The following ROBO2 variants were observed in gnomAD, a reference collection of about 807,000 sequenced individuals.
The protein encoded by ROBO2 is roundabout guidance receptor 2, also known as roundabout homolog 2.
ROBO2 carries 53 observed loss-of-function variants against 160.8 expected under a neutral mutation model. The observed-to-expected ratio is 0.33, with a 90% CI of 0.26 to 0.41. The LOEUF is 0.41. Among genes scored for constraint, ROBO2 ranks in the 10% least tolerant of loss-of-function variants. ROBO2 has a pLI of 1.00. For missense variants in ROBO2, 1,577 were observed against 1,722.4 expected, an observed-to-expected ratio of 0.92 and a Z score of 1.49; for synonymous variants, 664 against 611.7, an observed-to-expected ratio of 1.09 and a Z score of -1.26.
chr3:76,207,474 G>A (rs1252672563), intron 2 of ROBO2, among the ~76,000 whole-genome samples: 1 of 151,918 alleles, frequency 6.6e-6, no homozygotes, highest in Non-Finnish European at 1.5e-5. Flanking sequence ...AAATTAATTT[G>A]ATGTATTAAA....
At chr3:76,726,566 TC>T in intron 2 of ROBO2, among the ~76,000 whole-genome samples, 1 of 152,142 alleles carries the variant, frequency 6.6e-6, no homozygotes, top group Admixed American at 6.5e-5. Flanking sequence ...GTGAGTCCTC[TC>T]CACCTCCACC....
At chr3:76,884,353 T>C (rs1039116826) in intron 2 of ROBO2, among the ~76,000 whole-genome samples, 1 of 152,242 alleles carries the variant, frequency 6.6e-6, no homozygotes, top group African/African-American at 2.4e-5. Flanking sequence ...TCTATTATTC[T>C]CTAAGCTGCA....
chr3:76,035,566 A>G (rs1042713178), intron 2 of ROBO2, among the ~76,000 whole-genome samples: 1 of 152,008 alleles, frequency 6.6e-6, no homozygotes, highest in Non-Finnish European at 1.5e-5. Flanking sequence ...AAGAGCCACC[A>G]GCAACTCCAA....
At chr3:77,388,856 A>G (rs966449778) in intron 2 of ROBO2, among the ~76,000 whole-genome samples, 4 of 152,258 alleles carry the variant, frequency 2.6e-5, no homozygotes, top group African/African-American at 9.6e-5. Context: ...ATTTTTAAAT[A>G]GAGACAAGAT....
chr3:76,697,774 T>A (rs1427958186), intron 2 of ROBO2, among the ~76,000 whole-genome samples: 4 of 152,124 alleles, frequency 2.6e-5, no homozygotes, highest in African/African-American at 9.7e-5. Context: ...TATGATTCAG[T>A]CTGATATTTT....
At chr3:77,110,704 G>T (rs781228803) in intron 2 of ROBO2, among the ~76,000 whole-genome samples, 210 of 150,968 alleles carry the variant, frequency 1.4e-3, no homozygotes, top group Non-Finnish European at 2.0e-3. Context: ...TATAGAGAGA[G>T]AGAGAGAGAG....
intron 2 of ROBO2, among the ~76,000 whole-genome samples, chr3:76,276,543 A>G (rs1707934810): frequency 6.6e-6 from 1 of 152,050 alleles, no homozygotes; most frequent in Non-Finnish European, 1.5e-5. Context: ...AAACGTTTCC[A>G]TATTGGAATT....
intron 2 of ROBO2, among the ~76,000 whole-genome samples, chr3:76,050,673 G>C (rs140658195): frequency 6.6e-6 from 1 of 152,142 alleles, no homozygotes; most frequent in Admixed American, 6.5e-5. Context: ...TGCAACGGCT[G>C]TGTCCTTGCT....
intron 2 of ROBO2, among the ~76,000 whole-genome samples, chr3:77,372,486 T>C (rs1220034299): frequency 6.6e-6 from 1 of 152,104 alleles, no homozygotes; most frequent in Non-Finnish European, 1.5e-5. Flanking sequence ...AAGCTGAAAA[T>C]TTTTAATCTC....
intron 2 of ROBO2, among the ~76,000 whole-genome samples, chr3:76,286,664 G>A (rs991993198): frequency 6.6e-6 from 1 of 152,092 alleles, no homozygotes; most frequent in African/African-American, 2.4e-5. Flanking sequence ...TTTACAGTGA[G>A]GACTATGTAT....
At chr3:77,484,473 T>C (rs1407010290) in intron 4 of ROBO2, among the ~76,000 whole-genome samples, 1 of 150,448 alleles carries the variant, frequency 6.6e-6, no homozygotes, top group African/African-American at 2.5e-5. Context: ...TTACAAAACT[T>C]AGAATGAAAT....
chr3:76,686,724 A>G (rs1325898452), intron 2 of ROBO2, among the ~76,000 whole-genome samples: 2 of 152,110 alleles, frequency 1.3e-5, no homozygotes, highest in Non-Finnish European at 2.9e-5. Flanking sequence ...TGGGAGGCTG[A>G]GACTGGAGGA....
intron 2 of ROBO2, among the ~76,000 whole-genome samples, chr3:76,375,052 T>C (rs1167155555): frequency 6.6e-6 from 1 of 151,652 alleles, no homozygotes; most frequent in Non-Finnish European, 1.5e-5. Flanking sequence ...ATGATATCTA[T>C]AAAGAGATAT....
intron 2 of ROBO2, among the ~76,000 whole-genome samples, chr3:76,812,586 A>G (rs2109012536): frequency 6.6e-6 from 1 of 152,160 alleles, no homozygotes; most frequent in East Asian, 1.9e-4. Flanking sequence ...TCTGGATTAC[A>G]ATCAATTATG....
chr3:76,947,962 A>G (rs1245750169), intron 2 of ROBO2, among the ~76,000 whole-genome samples: 6 of 152,160 alleles, frequency 3.9e-5, no homozygotes, highest in Admixed American at 1.3e-4. Flanking sequence ...GCCATTACTT[A>G]CTGCATCTCA....
At chr3:77,276,117 G>A (rs1444741196) in intron 2 of ROBO2, among the ~76,000 whole-genome samples, 1 of 151,722 alleles carries the variant, frequency 6.6e-6, no homozygotes, top group Non-Finnish European at 1.5e-5. Context: ...GAAAAGTCAG[G>A]TGTACTCCCT....
chr3:77,107,673 C>T (rs953516939), intron 2 of ROBO2, among the ~76,000 whole-genome samples: 1 of 151,980 alleles, frequency 6.6e-6, no homozygotes, highest in Non-Finnish European at 1.5e-5. Flanking sequence ...CTTGAGCATC[C>T]AATTCAGGGG....
intron 2 of ROBO2, among the ~76,000 whole-genome samples, chr3:77,313,892 T>C (rs538191353): frequency 2.6e-5 from 4 of 152,158 alleles, no homozygotes; most frequent in Non-Finnish European, 5.9e-5. Flanking sequence ...CCAGGATCAG[T>C]GTTTTTAAAA....
intron 2 of ROBO2, among the ~76,000 whole-genome samples, chr3:76,838,745 G>A (rs1185299967): frequency 1.3e-5 from 2 of 152,026 alleles, no homozygotes; most frequent in Non-Finnish European, 1.5e-5. Context: ...GGCTCCGAAA[G>A]TGGAATTCTT....
Sources: gnomAD v4.1 joint callset for allele counts (sites outside exome capture counted in the v4.1 genomes callset) on GRCh38, gnomAD v4.1.1 for gene constraint, MANE v1.5 for transcripts, NCBI Gene and HGNC (gene_info 2026-07-23, HGNC 2026-07-21) for gene names.